The following TANGO6 variants were observed in gnomAD, a reference collection of about 807,000 sequenced individuals.
The protein encoded by TANGO6 is transport and golgi organization 6 homolog, also known as transport and Golgi organization protein 6 homolog.
A neutral mutation model predicts 114.2 loss-of-function variants in TANGO6; 90 were observed. The ratio of observed to expected loss-of-function variants is 0.79; its 90% confidence interval spans 0.66 to 0.94. The LOEUF (loss-of-function observed/expected upper bound fraction) is 0.94. Among genes scored for constraint, TANGO6 ranks in the 40% least tolerant of loss-of-function variants. The pLI, the probability that TANGO6 is intolerant of heterozygous loss-of-function variation, is 0.00. For missense variants in TANGO6, 1,274 were observed against 1,315.3 expected (o/e 0.97, Z 0.49); for synonymous variants, 477 against 509.8 (o/e 0.94, Z 0.87).
intron 3 of TANGO6, among the ~76,000 whole-genome samples, chr16:68,864,598 A>G (rs952869224): frequency 6.6e-6 from 1 of 151,990 alleles, no homozygotes; most frequent in Non-Finnish European, 1.5e-5. Flanking sequence ...AAAACAAAAG[A>G]AAAAGAGCGA....
At chr16:68,904,877 T>C (rs1458455549) in intron 9 of TANGO6, among the ~76,000 whole-genome samples, 2 of 152,142 alleles carry the variant, frequency 1.3e-5, no homozygotes, top group African/African-American at 4.8e-5. Context: ...GGTGTGAGGA[T>C]TGCTTGAGGC....
chr16:68,995,988 A>G (rs2152219559), intron 15 of TANGO6, among the ~76,000 whole-genome samples: 1 of 152,318 alleles, frequency 6.6e-6, no homozygotes, highest in Middle Eastern at 3.4e-3. Context: ...TTTTGCAGAT[A>G]AAGAGGCTTA....
At chr16:68,977,836 C>A (rs1312496497) in intron 15 of TANGO6, among the ~76,000 whole-genome samples, 1 of 151,670 alleles carries the variant, frequency 6.6e-6, no homozygotes, top group Non-Finnish European at 1.5e-5. Flanking sequence ...CAGGCCCACA[C>A]CACCACGCCC....
chr16:69,075,393 T>C (rs1960359276), intron 17 of TANGO6, among the ~76,000 whole-genome samples: 1 of 152,114 alleles, frequency 6.6e-6, no homozygotes, highest in Non-Finnish European at 1.5e-5. Flanking sequence ...AGTTTACACA[T>C]GCATATGTAT....
rs143028430 is a variant in TANGO6 at position 68,911,580 on chromosome 16, C to T, written c.1992+2178C>T. 5.1e-3 allele frequency among the ~76,000 whole-genome samples: 780 copies of T among 152,190 alleles called. 4 individuals carry two copies. Among genetic ancestry groups the T allele is most frequent in the Non-Finnish European group, 7.4e-3 (503 of 68,008 alleles). On this transcript the variant is annotated intron_variant, in intron 11 of 17. Coordinates refer to ENST00000261778, the MANE Select transcript of TANGO6 (RefSeq NM_024562.2). ...TACAGGCACATGCCACCACGCCTGG[C>T]TAATTTTTCTATTTTTAGTAGAGAC... is the stretch of plus-strand genomic sequence containing the variant.
rs2152167369 is a variant in TANGO6 at position 68,875,309 on chromosome 16, A to G, written c.1131+19A>G. 6 of 1,609,416 alleles carry G rather than the reference A, an allele frequency of 3.7e-6. No homozygotes were observed. Among genetic ancestry groups the G allele is most frequent in the Middle Eastern group, 1.7e-4 (1 of 5,842 alleles). ...CCCCCAGGTAAATCTTTTTGTTTCT[A>G]TTGATCATTTGAGGATTATCTGCTT... On this transcript the variant is annotated intron_variant, in intron 5 of 17. Coordinates refer to ENST00000261778, the MANE Select transcript of TANGO6 (RefSeq NM_024562.2).
intron 14 of TANGO6, among the ~76,000 whole-genome samples, chr16:68,956,718 T>G (rs1963533034): frequency 6.6e-6 from 1 of 151,954 alleles, no homozygotes; most frequent in Non-Finnish European, 1.5e-5. Flanking sequence ...CCAGTCATGG[T>G]GGCAGGCACC....
chr16:69,051,257 T>G (rs1959943507), intron 17 of TANGO6, among the ~76,000 whole-genome samples: 1 of 152,128 alleles, frequency 6.6e-6, no homozygotes, highest in South Asian at 2.1e-4. Context: ...AAATTTACTT[T>G]CGGCTGAGCA....
rs765521079 is a variant in TANGO6 at position 68,860,120 on chromosome 16, C to T, written c.331C>T (p.Arg111Cys). 84 of 1,613,862 alleles carry T rather than the reference C, an allele frequency of 5.2e-5. No individual in the cohort carries two copies. Among genetic ancestry groups the T allele is most frequent in the African/African-American group, 1.2e-4 (9 of 74,914 alleles). Residue 111 changes from arginine (R) to cysteine (C), a missense_variant, in exon 2 of 18, where the codon CGC (arginine) becomes TGC (cysteine). Arg to Cys is a radical substitution (Grantham distance 180). Transcript: ENST00000261778. ...TTTGTGCTTGAAGGAAACCATGATC[C>T]GCCTTGCAGCTAATTTCAATCCAGG... ...LLLCLKETMI[R>C]LAANFNPGKP...
At chr16:68,918,787 T>C (rs550592535) in intron 11 of TANGO6, among the ~76,000 whole-genome samples, 2 of 152,328 alleles carry the variant, frequency 1.3e-5, no homozygotes, top group Non-Finnish European at 2.9e-5. Context: ...GCTGAACATG[T>C]GGAGATGCTG....
At chr16:68,991,977 GA>G (rs1016800040) in intron 15 of TANGO6, among the ~76,000 whole-genome samples, 5 of 152,058 alleles carry the variant, frequency 3.3e-5, no homozygotes, top group Admixed American at 6.6e-5. Flanking sequence ...CAATTCAGAG[GA>G]ATAAATGAGA....
chr16:68,849,971 C>CTTTT (rs560571416), intron 1 of TANGO6, among the ~76,000 whole-genome samples: 14 of 114,832 alleles, frequency 1.2e-4, no homozygotes, highest in South Asian at 2.8e-4. Context: ...TCTAGCGGTT[C>CTTTT]TTTTTTTTTT....
chr16:68,893,362 A>G lies in TANGO6; in HGVS notation c.1378-7072A>G, dbSNP rs1346029100. 2.0e-5 allele frequency among the ~76,000 whole-genome samples: 3 copies of G among 152,194 alleles called. No individual in the cohort carries two copies. The East Asian group carries it at 5.8e-4, about 29-fold the overall frequency. ...GAAATATTCATAAATAACTCTGTGT[A>G]AGACATACCCAACCATTATACCATT... On this transcript the variant is annotated intron_variant, in intron 7 of 17. Coordinates refer to ENST00000261778, the MANE Select transcript of TANGO6 (RefSeq NM_024562.2).
chr16:69,030,226 T>A (rs1444402637), intron 16 of TANGO6, among the ~76,000 whole-genome samples: 2 of 151,898 alleles, frequency 1.3e-5, no homozygotes, highest in African/African-American at 4.8e-5. Context: ...TACAAAACCC[T>A]GTCAGATACC....
At chr16:68,945,940 C>A (rs1963409717) in intron 14 of TANGO6, among the ~76,000 whole-genome samples, 1 of 152,180 alleles carries the variant, frequency 6.6e-6, no homozygotes, top group Non-Finnish European at 1.5e-5. Context: ...CCGCCTTGGC[C>A]TCCCAAAATG....
chr16:68,982,629 C>CATTTTTTTTTTTTTTTT (rs1567553024), intron 15 of TANGO6, among the ~76,000 whole-genome samples: 3 of 120,530 alleles, frequency 2.5e-5, no homozygotes, highest in African/African-American at 1.2e-4. Context: ...CATGCCCTGG[C>CATTTTTTTTTTTTTTTT]CTTTTTTTTT....
intron 7 of TANGO6, among the ~76,000 whole-genome samples, chr16:68,882,772 A>G (rs1405704257): frequency 5.3e-5 from 8 of 152,050 alleles, no homozygotes; most frequent in African/African-American, 1.9e-4. Flanking sequence ...TAATCCCAAC[A>G]CTTTGGGAGG....
At chr16:68,909,805 G>A (rs1237359286) in intron 11 of TANGO6, among the ~76,000 whole-genome samples, 1 of 152,046 alleles carries the variant, frequency 6.6e-6, no homozygotes, top group Admixed American at 6.6e-5. Flanking sequence ...CAAGCTCCAT[G>A]GATGATCTAA....
chr16:68,977,121 T>G (rs1369166214), intron 15 of TANGO6, among the ~76,000 whole-genome samples: 2 of 152,126 alleles, frequency 1.3e-5, no homozygotes, highest in Non-Finnish European at 1.5e-5. Flanking sequence ...GAATCCCTCC[T>G]TCATCAGCAC....
Sources: allele counts gnomAD v4.1 joint callset (sites outside exome capture counted in the v4.1 genomes callset), GRCh38; gene constraint gnomAD v4.1.1; transcripts MANE v1.5; gene names NCBI Gene and HGNC (gene_info 2026-07-23, HGNC 2026-07-21).